The following SPIDR variants were observed in gnomAD, a reference collection of about 807,000 sequenced individuals.
SPIDR encodes the protein DNA repair-scaffolding protein.
A neutral mutation model predicts 104.6 loss-of-function variants in SPIDR; 93 were observed. The ratio of observed to expected loss-of-function variants is 0.89; its 90% CI spans 0.75 to 1.06. The LOEUF (loss-of-function observed/expected upper bound fraction) is 1.06, where lower values mean the gene tolerates loss of function less well. Ranked by LOEUF, SPIDR falls within the 50% of genes least tolerant of loss-of-function variation. The pLI, the probability that SPIDR is intolerant of heterozygous loss-of-function variation, is 0.00. For missense variants in SPIDR, 1,154 were observed against 1,111.2 expected, an observed-to-expected ratio of 1.04 and a Z score of -0.55; for synonymous variants, 431 against 416.9, an observed-to-expected ratio of 1.03 and a Z score of -0.41.
At chr8:47,611,960 T>A (rs903442746) in intron 10 of SPIDR, among the ~76,000 whole-genome samples, 1 of 152,186 alleles carries the variant, frequency 6.6e-6, no homozygotes, top group Non-Finnish European at 1.5e-5. Context: ...CTCTGGTAGT[T>A]GTATGTCAAG....
chr8:47,632,947 G>C (rs572171328), intron 10 of SPIDR, among the ~76,000 whole-genome samples: 1 of 152,334 alleles, frequency 6.6e-6, no homozygotes, highest in Non-Finnish European at 1.5e-5. Context: ...AACCAGGTCT[G>C]TCTGCCTCTG....
intron 5 of SPIDR, among the ~76,000 whole-genome samples, chr8:47,346,419 T>A (rs1187619469): frequency 6.6e-6 from 1 of 152,236 alleles, no homozygotes; most frequent in Non-Finnish European, 1.5e-5. Context: ...GATGTTGGTC[T>A]AAAACTCTCT....
chr8:47,583,197 T>G (rs2059911192), intron 8 of SPIDR, among the ~76,000 whole-genome samples: 1 of 151,132 alleles, frequency 6.6e-6, no homozygotes. Context: ...TCCCAGCTAC[T>G]TGGGAGGCTG....
intron 8 of SPIDR, among the ~76,000 whole-genome samples, chr8:47,567,167 C>G (rs548439178): frequency 7.2e-5 from 11 of 151,758 alleles, no homozygotes; most frequent in African/African-American, 2.2e-4. Flanking sequence ...GCATTTAATT[C>G]ATGAGAGCAG....
At chr8:47,465,944 T>C (rs1230695103) in intron 8 of SPIDR, among the ~76,000 whole-genome samples, 1 of 152,008 alleles carries the variant, frequency 6.6e-6, no homozygotes, top group Non-Finnish European at 1.5e-5. Context: ...TACATAATGG[T>C]AAAGGGTTCA....
intron 5 of SPIDR, among the ~76,000 whole-genome samples, chr8:47,311,856 C>T (rs1435702956): frequency 6.6e-6 from 1 of 152,146 alleles, no homozygotes; most frequent in Non-Finnish European, 1.5e-5. Context: ...CCTCCTAATG[C>T]TATCCCTCCC....
rs531239376 is a variant in SPIDR at position 47,341,862 on chromosome 8, C to T, written c.525+47832C>T. ...AAAGCAGCAGCACTATCTGGCTTGG[C>T]ATTCTCAGCAGCTCCTACAGAATCT... On this transcript the variant is annotated intron_variant, in intron 5 of 19. Coordinates refer to ENST00000297423, the MANE Select transcript of SPIDR (RefSeq NM_001080394.4). Among the ~76,000 whole-genome samples the T allele has an allele frequency of 4.6e-4, 70 of 152,272 alleles. 3 individuals are homozygous for T. In the South Asian group the frequency reaches 0.014, roughly 31 times the overall value.
At chr8:47,706,613 G>A (rs564339710) in intron 14 of SPIDR, among the ~76,000 whole-genome samples, 1 of 152,184 alleles carries the variant, frequency 6.6e-6, no homozygotes, top group African/African-American at 2.4e-5. Context: ...TTATAGCCAC[G>A]TCGATCCTTT....
intron 8 of SPIDR, among the ~76,000 whole-genome samples, chr8:47,541,314 C>G (rs1044960733): frequency 6.6e-6 from 1 of 152,198 alleles, no homozygotes; most frequent in Non-Finnish European, 1.5e-5. Flanking sequence ...TCTATACCAC[C>G]AGTAAGATGC....
chr8:47,618,404 A>G (rs924490414), intron 10 of SPIDR, among the ~76,000 whole-genome samples: 1 of 152,230 alleles, frequency 6.6e-6, no homozygotes, highest in Admixed American at 6.5e-5. Flanking sequence ...AAACTGTAAT[A>G]TAATATTACC....
At chr8:47,452,152 G>T (rs1453748509) in intron 8 of SPIDR, among the ~76,000 whole-genome samples, 1 of 152,138 alleles carries the variant, frequency 6.6e-6, no homozygotes, top group Admixed American at 6.5e-5. Flanking sequence ...GACAAAGATG[G>T]TGTATTGAAA....
At chr8:47,367,544 A>G (rs2057383747) in intron 5 of SPIDR, among the ~76,000 whole-genome samples, 1 of 152,236 alleles carries the variant, frequency 6.6e-6, no homozygotes, top group African/African-American at 2.4e-5. Flanking sequence ...AAAGTTTTTG[A>G]ACAACAGTTG....
chr8:47,512,399 C>G (rs2082473639), intron 8 of SPIDR, among the ~76,000 whole-genome samples: 1 of 152,156 alleles, frequency 6.6e-6, no homozygotes, highest in Admixed American at 6.5e-5. Context: ...TCTCCTCCCC[C>G]AAGTCCAAAA....
At chr8:47,476,592 A>G (rs782792361) in intron 8 of SPIDR, among the ~76,000 whole-genome samples, 3 of 151,956 alleles carry the variant, frequency 2.0e-5, no homozygotes, top group Non-Finnish European at 4.4e-5. Flanking sequence ...ACCACCTCCG[A>G]GACTCCCTTC....
intron 17 of SPIDR, among the ~76,000 whole-genome samples, chr8:47,728,564 G>A (rs2084676033): frequency 6.6e-6 from 1 of 152,140 alleles, no homozygotes; most frequent in Non-Finnish European, 1.5e-5. Context: ...ACATGTGCAG[G>A]CATGCAGGGT....
intron 5 of SPIDR, among the ~76,000 whole-genome samples, chr8:47,375,360 A>G (rs1468070800): frequency 2.7e-5 from 4 of 147,900 alleles, no homozygotes; most frequent in Admixed American, 7.0e-5. Flanking sequence ...TCCTGCTTCA[A>G]CCTTCCAAGT....
intron 5 of SPIDR, among the ~76,000 whole-genome samples, chr8:47,363,929 A>G (rs1215819907): frequency 2.0e-5 from 3 of 150,878 alleles, no homozygotes; most frequent in Non-Finnish European, 4.4e-5. Context: ...AGCAAGGTCT[A>G]TGAGCTATTT....
intron 8 of SPIDR, among the ~76,000 whole-genome samples, chr8:47,591,931 CA>C (rs2061064079): frequency 6.6e-6 from 1 of 152,218 alleles, no homozygotes; most frequent in South Asian, 2.1e-4. Flanking sequence ...CACAACAATC[CA>C]GATGATACTT....
chr8:47,294,171 A>G, intron 5 of SPIDR, 141 bp downstream of exon 5: 1 of 1,036,910 alleles, frequency 9.6e-7, no homozygotes, highest in Non-Finnish European at 1.4e-6. Flanking sequence ...TTTGTTCTTT[A>G]CTCACTTATC....
Sources: gnomAD v4.1 joint callset for allele counts (sites outside exome capture counted in the v4.1 genomes callset) on GRCh38, gnomAD v4.1.1 for gene constraint, MANE v1.5 for transcripts, NCBI Gene and HGNC (gene_info 2026-07-23, HGNC 2026-07-21) for gene names.